Variants in FAR2 observed in about 807,000 individuals in gnomAD.
FAR2 encodes epididymis secretory protein Li 81.
In FAR2, 19 loss-of-function variants were observed where a neutral mutation model predicts 56.0. That is an observed-to-expected ratio of 0.34 (90% CI 0.24 to 0.50). The LOEUF (loss-of-function observed/expected upper bound fraction) is 0.50, where lower values mean the gene tolerates loss of function less well. Among genes scored for constraint, FAR2 ranks in the 20% least tolerant of loss-of-function variants. The pLI, the probability that FAR2 is intolerant of heterozygous loss-of-function variation, is 0.98. For missense variants in FAR2, 508 were observed against 642.2 expected (o/e 0.79, Z 2.26); for synonymous variants, 219 against 218.8 (o/e 1.00, Z -0.01).
intron 7 of FAR2, 100 bp from the exon 8 acceptor site, chr12:29,311,783 A>C: frequency 1.2e-6 from 1 of 831,088 alleles, no homozygotes; most frequent in Non-Finnish European, 1.9e-6. Flanking sequence ...TAATCAGATG[A>C]ATTACTGAAA....
chr12:29,162,511 G>A (rs1949790377), intron 1 of FAR2, among the ~76,000 whole-genome samples: 1 of 152,080 alleles, frequency 6.6e-6, no homozygotes, highest in Non-Finnish European at 1.5e-5. Context: ...CTGCTTGCAG[G>A]AACCTAATTT....
At chr12:29,291,376 A>C (rs747028798) in intron 2 of FAR2, 1 of 456,068 alleles carries the variant, frequency 2.2e-6, no homozygotes, top group Non-Finnish European at 4.4e-6. Context: ...GAATAAAGAA[A>C]TAATTTTTAA....
intron 2 of FAR2, among the ~76,000 whole-genome samples, chr12:29,282,000 C>A (rs1341547808): frequency 6.6e-6 from 1 of 152,148 alleles, no homozygotes; most frequent in African/African-American, 2.4e-5. Context: ...TGCACAAAAG[C>A]AGAATTACTA....
At chr12:29,235,357 A>AT (rs1254486611) in intron 1 of FAR2, among the ~76,000 whole-genome samples, 1 of 152,136 alleles carries the variant, frequency 6.6e-6, no homozygotes, top group African/African-American at 2.4e-5. Flanking sequence ...ATCCCATCAT[A>AT]TTTTCGCTGC....
At chr12:29,204,785 G>A (rs1026353938) in intron 1 of FAR2, among the ~76,000 whole-genome samples, 7 of 152,192 alleles carry the variant, frequency 4.6e-5, no homozygotes, top group South Asian at 2.1e-4. Flanking sequence ...GGGTGGAAGC[G>A]GGGAGGTGCT....
At chr12:29,257,420 G>T (rs1948339558) in intron 1 of FAR2, among the ~76,000 whole-genome samples, 1 of 152,226 alleles carries the variant, frequency 6.6e-6, no homozygotes, top group Non-Finnish European at 1.5e-5. Flanking sequence ...CCAATCAGCA[G>T]GATGTGGGTG....
intron 1 of FAR2, among the ~76,000 whole-genome samples, chr12:29,217,131 A>C (rs1947630884): frequency 6.6e-6 from 1 of 152,214 alleles, no homozygotes; most frequent in Admixed American, 6.5e-5. Context: ...AAAATAGATA[A>C]GTTATCATAC....
rs139760950 is a variant in FAR2, at chr12:29,267,990, A to G, written c.-38-2422A>G. Among the ~76,000 whole-genome samples, 34 of 152,350 alleles carry G rather than the reference A, an allele frequency of 2.2e-4. No individual in the cohort carries two copies. In the East Asian group the frequency reaches 6.2e-3, roughly 28 times the overall value. ...CATCTGCGTGTCTTCAGAACTTAGC[A>G]TAGAGTCTGGAATGGTAGGTGCTGA... is the stretch of plus-strand genomic sequence containing the variant. On this transcript the variant is annotated intron_variant, in intron 1 of 11. Coordinates refer to ENST00000536681, the MANE Select transcript of FAR2 (RefSeq NM_001271783.2).
intron 2 of FAR2, among the ~76,000 whole-genome samples, chr12:29,288,851 C>A (rs1948914339): frequency 6.6e-6 from 1 of 152,058 alleles, no homozygotes; most frequent in Non-Finnish European, 1.5e-5. Flanking sequence ...AAATTTGAGT[C>A]TTTTCAATGA....
intron 10 of FAR2, among the ~76,000 whole-genome samples, chr12:29,326,379 G>A (rs1413253623): frequency 4.6e-5 from 7 of 152,072 alleles, no homozygotes; most frequent in Non-Finnish European, 1.0e-4. Context: ...AGAAAAAGAG[G>A]GAATCCTCCC....
intron 2 of FAR2, among the ~76,000 whole-genome samples, chr12:29,271,963 C>T (rs1418193544): frequency 2.6e-5 from 4 of 152,320 alleles, no homozygotes; most frequent in Non-Finnish European, 1.5e-5. Flanking sequence ...AAGGCCAGCA[C>T]ACTTGCTCCT....
chr12:29,312,015 G>C, intron 8 of FAR2, 65 bp downstream of exon 8: 1 of 1,201,808 alleles, frequency 8.3e-7, no homozygotes, highest in Admixed American at 2.0e-5. Context: ...AGTTGACAAA[G>C]TGTGTCATGG....
At chr12:29,186,177 T>A (rs1287876719) in intron 1 of FAR2, among the ~76,000 whole-genome samples, 2 of 152,204 alleles carry the variant, frequency 1.3e-5, no homozygotes, top group African/African-American at 4.8e-5. Flanking sequence ...ATATTTTTTG[T>A]GCTAAGTTTT....
At chr12:29,320,175 A>C (rs11050188) in intron 9 of FAR2, among the ~76,000 whole-genome samples, 46,966 of 152,058 alleles carry the variant, frequency 0.31, 7,347 homozygotes, top group East Asian at 0.35. Flanking sequence ...CCACTGCACT[A>C]CAGCCTGGGC....
chr12:29,186,284 C>A (rs2136602251), intron 1 of FAR2, among the ~76,000 whole-genome samples: 2 of 152,294 alleles, frequency 1.3e-5, no homozygotes, highest in Middle Eastern at 3.4e-3. Context: ...GTGTGGCCCC[C>A]ATATTGCAGC....
chr12:29,271,258 A>G (rs560148665), intron 2 of FAR2, among the ~76,000 whole-genome samples: 65 of 152,296 alleles, frequency 4.3e-4, no homozygotes, highest in African/African-American at 1.5e-3. Flanking sequence ...CATTATGCAT[A>G]TTCTCTCATG....
At chr12:29,233,193 C>T (rs1159861720) in intron 1 of FAR2, among the ~76,000 whole-genome samples, 1 of 152,130 alleles carries the variant, frequency 6.6e-6, no homozygotes, top group Non-Finnish European at 1.5e-5. Flanking sequence ...TATTTTACCT[C>T]CAGAATCCAA....
At chr12:29,308,639 T>C (rs7956305) in intron 5 of FAR2, among the ~76,000 whole-genome samples, 93,995 of 149,736 alleles carry the variant, frequency 0.63, 30,779 homozygotes, top group African/African-American at 0.82. Context: ...TGCTCTTAAA[T>C]ATAATCTCTG....
intron 6 of FAR2, among the ~76,000 whole-genome samples, chr12:29,310,752 G>A (rs752579800): frequency 6.6e-6 from 1 of 152,088 alleles, no homozygotes; most frequent in Non-Finnish European, 1.5e-5. Flanking sequence ...TTTGTTAATT[G>A]AGTTTATTAA....
Sources: gnomAD v4.1 joint callset for allele counts (sites outside exome capture counted in the v4.1 genomes callset) on GRCh38, gnomAD v4.1.1 for gene constraint, MANE v1.5 for transcripts, NCBI Gene and HGNC (gene_info 2026-07-23, HGNC 2026-07-21) for gene names.